The following KLHL1 variants were observed in gnomAD, a reference collection of about 807,000 sequenced individuals.
KLHL1 encodes the protein kelch like family member 1.
A neutral mutation model predicts 77.7 loss-of-function variants in KLHL1; 47 were observed. That is an observed-to-expected ratio of 0.60 (90% CI 0.48 to 0.77). The LOEUF is 0.77. KLHL1 is among the 30% of genes least tolerant of loss of function. The pLI is 0.00. For missense variants in KLHL1, 925 were observed against 910.8 expected, an observed-to-expected ratio of 1.02 and a Z score of -0.20; for synonymous variants, 360 against 325.2, an observed-to-expected ratio of 1.11 and a Z score of -1.15.
chr13:69,832,447 C>A (rs1046943536), intron 6 of KLHL1, among the ~76,000 whole-genome samples: 2 of 149,894 alleles, frequency 1.3e-5, no homozygotes, highest in African/African-American at 5.0e-5. Flanking sequence ...TGAAAGAAAT[C>A]ATTGATGACA....
chr13:69,956,437 G>A (rs1486026599), intron 3 of KLHL1, among the ~76,000 whole-genome samples: 3 of 151,144 alleles, frequency 2.0e-5, no homozygotes, highest in African/African-American at 7.3e-5. Context: ...CACCTAAAGG[G>A]AACCAGCATT....
At position 69,764,929 on chromosome 13, in the gene KLHL1, C is replaced by CTTTTTTTTTTTTTTTTTT. The variant is rs71196263; in HGVS notation, c.1640-24391_1640-24374dup. ...TCTCATGCTTTCATGTATATCTTTG[C>CTTTTTTTTTTTTTTTTTT]TTTTTTTTTTTTTTTTTTTTTTTTT... is the stretch of plus-strand genomic sequence containing the variant. On this transcript the variant is annotated intron_variant, in intron 7 of 10. Transcript: ENST00000377844. Among the ~76,000 whole-genome samples, 103 of 39,726 alleles carry CTTTTTTTTTTTTTTTTTT rather than the reference C, an allele frequency of 2.6e-3. 41 individuals are homozygous for CTTTTTTTTTTTTTTTTTT. The highest frequency in any genetic ancestry group is 6.1e-3 in the South Asian group (4 of 656). 26.1% of individuals were successfully genotyped at this position (39,726 alleles called of 152,430 possible).
chr13:69,892,228 T>C (rs1055589175), intron 4 of KLHL1, among the ~76,000 whole-genome samples: 1 of 152,160 alleles, frequency 6.6e-6, no homozygotes, highest in African/African-American at 2.4e-5. Flanking sequence ...ACAATCTTTA[T>C]AAAAGCCATA....
At chr13:70,085,213 CAGAA>C (rs1887506124) in intron 1 of KLHL1, among the ~76,000 whole-genome samples, 1 of 152,016 alleles carries the variant, frequency 6.6e-6, no homozygotes, top group African/African-American at 2.4e-5. Flanking sequence ...AAGAGAGAAA[CAGAA>C]AGAGACAGAG....
In KLHL1 at chr13:69,948,510, C is replaced by T. The variant is rs1883602319; in HGVS notation, c.818-8274G>A. Among the ~76,000 whole-genome samples the T allele has an allele frequency of 2.6e-5, 4 of 151,958 alleles. No individual in the cohort carries two copies. The South Asian group carries it at 8.3e-4, about 31-fold the overall frequency. ...CAAGTGGGGGACTAAACGGGGAATA[C>T]TTTTTAAATAGGGTTCCAATAAGGT... On this transcript the variant is annotated intron_variant, in intron 3 of 10. Coordinates refer to ENST00000377844, the MANE Select transcript of KLHL1 (RefSeq NM_020866.3).
intron 1 of KLHL1, among the ~76,000 whole-genome samples, chr13:69,994,391 C>G (rs952975900): frequency 1.3e-5 from 2 of 152,132 alleles, no homozygotes; most frequent in African/African-American, 4.8e-5. Context: ...AACCTGCCTA[C>G]TCTTGAAGCT....
intron 1 of KLHL1, among the ~76,000 whole-genome samples, chr13:70,008,396 T>G (rs889076538): frequency 6.6e-6 from 1 of 152,026 alleles, no homozygotes; most frequent in African/African-American, 2.4e-5. Context: ...TCATATAAGT[T>G]TTTGTCATTC....
intron 1 of KLHL1, among the ~76,000 whole-genome samples, chr13:70,015,622 A>G (rs1885638464): frequency 6.6e-6 from 1 of 152,128 alleles, no homozygotes; most frequent in Admixed American, 6.5e-5. Context: ...GAGATGTTGA[A>G]TATTTTATTA....
chr13:69,797,428 A>G (rs1251366204), intron 6 of KLHL1, among the ~76,000 whole-genome samples: 2 of 152,208 alleles, frequency 1.3e-5, no homozygotes, highest in Non-Finnish European at 2.9e-5. Flanking sequence ...AATTTGTCAT[A>G]CGCCTTAAAT....
chr13:69,994,455 T>C (rs1213538948), intron 1 of KLHL1, among the ~76,000 whole-genome samples: 8 of 152,166 alleles, frequency 5.3e-5, no homozygotes. Flanking sequence ...CTTTGCAATA[T>C]GATGCCTATT....
chr13:69,796,484 A>G (rs896656706), intron 7 of KLHL1, among the ~76,000 whole-genome samples: 2 of 152,134 alleles, frequency 1.3e-5, no homozygotes, highest in East Asian at 1.9e-4. Flanking sequence ...CTGTGTAACC[A>G]TGTGATCTCT....
intron 1 of KLHL1, among the ~76,000 whole-genome samples, chr13:70,056,182 C>T (rs888190437): frequency 2.6e-5 from 4 of 151,676 alleles, no homozygotes; most frequent in African/African-American, 9.7e-5. Context: ...CAAAAAAGGA[C>T]CAGGAGTAGA....
intron 2 of KLHL1, among the ~76,000 whole-genome samples, chr13:69,975,351 C>A (rs143514542): frequency 2.1e-3 from 315 of 152,014 alleles, no homozygotes; most frequent in Middle Eastern, 3.4e-3. Context: ...TAGTTATCAA[C>A]CCTAGTTACA....
intron 8 of KLHL1, among the ~76,000 whole-genome samples, chr13:69,727,232 C>T (rs1035088736): frequency 6.6e-6 from 1 of 152,264 alleles, no homozygotes; most frequent in South Asian, 2.1e-4. Flanking sequence ...TTTCTTGACA[C>T]TATTGTTCTT....
intron 4 of KLHL1, among the ~76,000 whole-genome samples, chr13:69,884,865 T>C (rs1041777225): frequency 1.8e-4 from 28 of 152,156 alleles, no homozygotes; most frequent in Middle Eastern, 3.4e-3. Context: ...CTATAGACTT[T>C]TATAGTTTGA....
At chr13:70,005,569 A>C (rs1432983921) in intron 1 of KLHL1, among the ~76,000 whole-genome samples, 1 of 151,942 alleles carries the variant, frequency 6.6e-6, no homozygotes, top group African/African-American at 2.4e-5. Flanking sequence ...CAGGGTAGCC[A>C]AAAGATTAGA....
chr13:70,040,498 A>T (rs1186295090), intron 1 of KLHL1, among the ~76,000 whole-genome samples: 2 of 152,146 alleles, frequency 1.3e-5, no homozygotes. Context: ...CTGGGATCAC[A>T]GTTCTCTCTT....
At chr13:69,908,012 G>A (rs1215240107) in intron 4 of KLHL1, among the ~76,000 whole-genome samples, 2 of 151,996 alleles carry the variant, frequency 1.3e-5, no homozygotes, top group East Asian at 3.9e-4. Context: ...CAGGAGGTGG[G>A]ATGAATGTGT....
At chr13:69,920,569 T>C (rs1284124538) in intron 4 of KLHL1, among the ~76,000 whole-genome samples, 1 of 152,132 alleles carries the variant, frequency 6.6e-6, no homozygotes, top group Non-Finnish European at 1.5e-5. Context: ...TATAACAATG[T>C]ATAAATGGGC....
Sources: gnomAD v4.1 joint callset for allele counts (sites outside exome capture counted in the v4.1 genomes callset) on GRCh38, gnomAD v4.1.1 for gene constraint, MANE v1.5 for transcripts, NCBI Gene and HGNC (gene_info 2026-07-23, HGNC 2026-07-21) for gene names.